ERC2: variants seen among roughly 807,000 people sequenced by gnomAD.
ERC2 encodes ELKS/RAB6-interacting/CAST family member 2, also known as ERC protein 2.
A neutral mutation model predicts 114.8 loss-of-function variants in ERC2; 42 were observed. The observed-to-expected ratio is 0.37, with a 90% confidence interval of 0.29 to 0.47. The LOEUF is 0.47. ERC2 is among the 20% of genes least tolerant of loss of function. The probability of loss-of-function intolerance (pLI) is 0.99; values close to 1 mark genes in which losing one functional copy is unlikely to be tolerated. For missense variants in ERC2, 939 were observed against 1,150.7 expected (o/e 0.82, Z 2.66); for synonymous variants, 454 against 425.5 (o/e 1.07, Z -0.82).
At chr3:55,760,967 G>T (rs940110992) in intron 14 of ERC2, among the ~76,000 whole-genome samples, 3 of 152,146 alleles carry the variant, frequency 2.0e-5, no homozygotes, top group Non-Finnish European at 4.4e-5. Flanking sequence ...GAGTAGGTGG[G>T]CCCAGGGTAG....
chr3:56,316,328 G>A (rs577957645), intron 2 of ERC2, among the ~76,000 whole-genome samples: 1 of 152,312 alleles, frequency 6.6e-6, no homozygotes, highest in East Asian at 1.9e-4. Context: ...AACATAGGAT[G>A]AGTTTACAGT....
chr3:55,914,222 G>GT (rs2064970302), intron 13 of ERC2, among the ~76,000 whole-genome samples: 2 of 152,086 alleles, frequency 1.3e-5, no homozygotes, highest in South Asian at 4.1e-4. Context: ...AACAACTGAG[G>GT]TTTTTTCTGT....
At chr3:55,712,996 T>C (rs1229018976) in intron 15 of ERC2, among the ~76,000 whole-genome samples, 1 of 152,028 alleles carries the variant, frequency 6.6e-6, no homozygotes, top group Non-Finnish European at 1.5e-5. Context: ...ATAAGTAATA[T>C]ACTCTTAGGT....
intron 2 of ERC2, among the ~76,000 whole-genome samples, chr3:56,306,502 T>C (rs1188134785): frequency 6.6e-6 from 1 of 152,138 alleles, no homozygotes; most frequent in African/African-American, 2.4e-5. Flanking sequence ...AAACAGAGAA[T>C]ATATACAACA....
At chr3:56,332,866 C>T (rs999721060) in intron 2 of ERC2, among the ~76,000 whole-genome samples, 2 of 152,030 alleles carry the variant, frequency 1.3e-5, no homozygotes, top group Admixed American at 6.5e-5. Context: ...ATCTGAGAGA[C>T]ACTTTTCAAT....
intron 13 of ERC2, among the ~76,000 whole-genome samples, chr3:55,901,772 T>C (rs79082190): frequency 0.011 from 1,727 of 152,308 alleles, 38 homozygotes; most frequent in African/African-American, 0.04. Context: ...GCCATTCCCA[T>C]ACTCTGAAGG....
intron 17 of ERC2, among the ~76,000 whole-genome samples, chr3:55,599,392 T>C (rs2058296621): frequency 6.6e-6 from 1 of 152,228 alleles, no homozygotes; most frequent in Non-Finnish European, 1.5e-5. Flanking sequence ...TGTTCTGAAA[T>C]GCTAATGTAT....
At chr3:56,042,373 C>T (rs931834331) in intron 7 of ERC2, among the ~76,000 whole-genome samples, 15 of 152,274 alleles carry the variant, frequency 9.9e-5, no homozygotes, top group Admixed American at 1.3e-4. Flanking sequence ...TTCCTAATAC[C>T]ACTAAGATCT....
At chr3:56,294,996 C>T (rs985996599) in intron 3 of ERC2, among the ~76,000 whole-genome samples, 2 of 152,208 alleles carry the variant, frequency 1.3e-5, no homozygotes, top group African/African-American at 2.4e-5. Flanking sequence ...ATATAACCCA[C>T]ATCAGAGCAA....
intron 17 of ERC2, among the ~76,000 whole-genome samples, chr3:55,644,697 T>C (rs1160365498): frequency 6.6e-6 from 1 of 151,946 alleles, no homozygotes; most frequent in Non-Finnish European, 1.5e-5. Context: ...ATATATAATT[T>C]GGAGTTTGGT....
At chr3:56,252,616 G>A (rs753675685) in intron 3 of ERC2, among the ~76,000 whole-genome samples, 3 of 151,992 alleles carry the variant, frequency 2.0e-5, no homozygotes, top group Non-Finnish European at 2.9e-5. Context: ...AATTATCTGG[G>A]TGTGGTGGTG....
chr3:56,350,987 G>C (rs760553883), intron 2 of ERC2, among the ~76,000 whole-genome samples: 2 of 152,186 alleles, frequency 1.3e-5, no homozygotes, highest in Non-Finnish European at 2.9e-5. Flanking sequence ...AGGTCACCTT[G>C]CTAGGAAGAG....
At chr3:56,388,528 C>G (rs1168575155) in intron 2 of ERC2, among the ~76,000 whole-genome samples, 1 of 152,118 alleles carries the variant, frequency 6.6e-6, no homozygotes, top group Non-Finnish European at 1.5e-5. Flanking sequence ...ATTACCCAGT[C>G]TCAGGTGTTT....
intron 1 of ERC2, among the ~76,000 whole-genome samples, chr3:56,451,505 A>G (rs951123594): frequency 1.3e-5 from 2 of 152,320 alleles, no homozygotes; most frequent in East Asian, 3.9e-4. Flanking sequence ...GAGGTCTCTC[A>G]AAAATATGAC....
chr3:56,065,821 A>G (rs1225676248), intron 7 of ERC2, among the ~76,000 whole-genome samples: 1 of 151,848 alleles, frequency 6.6e-6, no homozygotes, highest in Non-Finnish European at 1.5e-5. Flanking sequence ...TTCCTGTGTT[A>G]GTTTGCTGAG....
At chr3:56,363,599 T>C (rs562140801) in intron 2 of ERC2, among the ~76,000 whole-genome samples, 1 of 152,206 alleles carries the variant, frequency 6.6e-6, no homozygotes, top group East Asian at 1.9e-4. Flanking sequence ...ATTTTCTTTG[T>C]ATTGAAAAAA....
At chr3:56,151,718 A>G (rs1175462688) in intron 4 of ERC2, among the ~76,000 whole-genome samples, 2 of 152,210 alleles carry the variant, frequency 1.3e-5, no homozygotes, top group Non-Finnish European at 2.9e-5. Flanking sequence ...AACCTAATCT[A>G]TGTAAGGAGT....
intron 17 of ERC2, among the ~76,000 whole-genome samples, chr3:55,560,552 G>T (rs1207906066): frequency 1.3e-5 from 2 of 152,080 alleles, no homozygotes; most frequent in African/African-American, 4.8e-5. Context: ...CCCCACCAAG[G>T]CCCTTGGCAT....
chr3:56,455,030 G>A (rs939599346), intron 1 of ERC2, among the ~76,000 whole-genome samples: 2 of 152,172 alleles, frequency 1.3e-5, no homozygotes, highest in East Asian at 3.9e-4. Flanking sequence ...AAGTATAATG[G>A]TGGTTTCCAG....
Sources: allele counts gnomAD v4.1 joint callset (sites outside exome capture counted in the v4.1 genomes callset), GRCh38; gene constraint gnomAD v4.1.1; transcripts MANE v1.5; gene names NCBI Gene and HGNC (gene_info 2026-07-23, HGNC 2026-07-21).